The following ANO10 variants were observed in gnomAD, a reference collection of about 807,000 sequenced individuals.
ANO10 encodes anoctamin 10.
ANO10 carries 77 observed loss-of-function variants against 74.7 expected under a neutral mutation model. The observed-to-expected ratio is 1.03, with a 90% CI of 0.86 to 1.25. The LOEUF (loss-of-function observed/expected upper bound fraction) is 1.25, where lower values mean the gene tolerates loss of function less well. Among genes scored for constraint, ANO10 ranks in the 50% most tolerant of loss-of-function variants. The pLI, the probability that ANO10 is intolerant of heterozygous loss-of-function variation, is 0.00. For synonymous variants in ANO10, 279 were observed against 284.9 expected, an observed-to-expected ratio of 0.98 and a Z score of 0.21; for missense variants, 721 against 778.1, an observed-to-expected ratio of 0.93 and a Z score of 0.87.
chr3:43,683,667 T>C (rs1035279592), intron 1 of ANO10, among the ~76,000 whole-genome samples: 44 of 152,224 alleles, frequency 2.9e-4, no homozygotes, highest in Middle Eastern at 3.2e-3. Context: ...TCATGCTACC[T>C]GACCTCAAAC....
chr3:43,674,586 GA>G (rs1002209278), intron 1 of ANO10, among the ~76,000 whole-genome samples: 7 of 152,178 alleles, frequency 4.6e-5, no homozygotes, highest in Admixed American at 3.9e-4. Context: ...AAATAGAAAT[GA>G]AAACAAATGT....
intron 12 of ANO10, among the ~76,000 whole-genome samples, chr3:43,380,290 C>T (rs530526265): frequency 4.9e-4 from 74 of 152,276 alleles, no homozygotes; most frequent in African/African-American, 1.8e-3. Flanking sequence ...ACTTCTCCAG[C>T]ATTGCTAGAA....
At chr3:43,662,946 T>G (rs1173657779) in intron 1 of ANO10, among the ~76,000 whole-genome samples, 1 of 152,180 alleles carries the variant, frequency 6.6e-6, no homozygotes, top group African/African-American at 2.4e-5. Flanking sequence ...GATTCACAGC[T>G]GAATTCTACC....
At chr3:43,430,560 A>G (rs2092965673) in intron 12 of ANO10, among the ~76,000 whole-genome samples, 2 of 152,158 alleles carry the variant, frequency 1.3e-5, no homozygotes, top group South Asian at 2.1e-4. Flanking sequence ...TTCCATTGAC[A>G]TAAAATATCA....
chr3:43,542,904 C>T (rs1057274971), intron 11 of ANO10, among the ~76,000 whole-genome samples: 2 of 152,168 alleles, frequency 1.3e-5, no homozygotes, highest in African/African-American at 4.8e-5. Flanking sequence ...AGAGTGGTAA[C>T]AAGACCTGCA....
intron 9 of ANO10, among the ~76,000 whole-genome samples, chr3:43,557,154 G>GA (rs923636081): frequency 5.9e-4 from 85 of 144,052 alleles, no homozygotes; most frequent in Non-Finnish European, 7.2e-4. Flanking sequence ...TAAAATGAAG[G>GA]AAAAAAAAAA....
intron 11 of ANO10, among the ~76,000 whole-genome samples, chr3:43,507,892 T>C (rs997214838): frequency 2.6e-5 from 4 of 152,102 alleles, no homozygotes; most frequent in African/African-American, 9.7e-5. Flanking sequence ...TGCCAACAAA[T>C]ACTTGCAAAA....
chr3:43,613,425 T>G (rs890868689), intron 1 of ANO10, among the ~76,000 whole-genome samples: 1 of 152,064 alleles, frequency 6.6e-6, no homozygotes, highest in Non-Finnish European at 1.5e-5. Context: ...AAAGACAGCA[T>G]GGGAAAAGAA....
chr3:43,568,892 C>G (rs2080529654), intron 7 of ANO10, among the ~76,000 whole-genome samples: 1 of 150,218 alleles, frequency 6.7e-6, no homozygotes, highest in Non-Finnish European at 1.5e-5. Context: ...TGAATGAATC[C>G]AGGAGCTGGT....
intron 10 of ANO10, among the ~76,000 whole-genome samples, chr3:43,554,547 A>G (rs2079643313): frequency 6.6e-6 from 1 of 152,152 alleles, no homozygotes; most frequent in African/African-American, 2.4e-5. Context: ...ATAAGATTCT[A>G]TATCTCATTT....
At chr3:43,578,314 C>T (rs368716918) in intron 5 of ANO10, among the ~76,000 whole-genome samples, 2 of 152,070 alleles carry the variant, frequency 1.3e-5, no homozygotes, top group African/African-American at 2.4e-5. Flanking sequence ...GATGACCTTC[C>T]CCTTTCAATC....
chr3:43,691,064 C>G, intron 1 of ANO10: 1 of 1,530,404 alleles, frequency 6.5e-7, no homozygotes, highest in Non-Finnish European at 8.8e-7. Context: ...CAGGGGGCTT[C>G]GTGTGTCTCC....
chr3:43,546,579 A>G (rs1326681861), intron 11 of ANO10, among the ~76,000 whole-genome samples: 1 of 152,192 alleles, frequency 6.6e-6, no homozygotes, highest in Non-Finnish European at 1.5e-5. Context: ...CCACATGCAA[A>G]AGAAATACAA....
intron 1 of ANO10, among the ~76,000 whole-genome samples, chr3:43,649,684 A>G (rs566388602): frequency 3.5e-4 from 53 of 152,342 alleles, no homozygotes; most frequent in Non-Finnish European, 6.2e-4. Context: ...CCCTCAAATC[A>G]TATAGCTAAT....
intron 12 of ANO10, among the ~76,000 whole-genome samples, chr3:43,396,318 T>C (rs565086188): frequency 6.6e-6 from 1 of 152,254 alleles, no homozygotes; most frequent in South Asian, 2.1e-4. Flanking sequence ...ACAATTATTT[T>C]TTCTTTCTTC....
intron 1 of ANO10, among the ~76,000 whole-genome samples, chr3:43,633,827 A>C (rs1459902738): frequency 6.6e-6 from 1 of 151,926 alleles, no homozygotes; most frequent in East Asian, 1.9e-4. Context: ...CTTACTCCTC[A>C]AGTCCCATGG....
chr3:43,425,955 C>T (rs2092894053), intron 12 of ANO10, among the ~76,000 whole-genome samples: 1 of 152,088 alleles, frequency 6.6e-6, no homozygotes, highest in Admixed American at 6.6e-5. Context: ...CTGAAGGGTG[C>T]TACCATCTAC....
rs983842179 is a variant in ANO10 at position 43,590,034 on chromosome 3, G to A, written c.472+8498C>T. On this transcript the variant is annotated intron_variant, in intron 4 of 12. Coordinates refer to ENST00000292246, the MANE Select transcript of ANO10 (RefSeq NM_018075.5). The stretch of plus-strand genomic sequence containing the variant: ...GACAGGAAAGAGACAACTTATCATT[G>A]TCTAAATTTTTGTACTATTTGAATT... 5.3e-5 allele frequency among the ~76,000 whole-genome samples: 8 copies of A among 152,110 alleles called. No individual in the cohort carries two copies. The East Asian group carries it at 1.5e-3, about 29-fold the overall frequency.
At chr3:43,600,817 A>T (rs2082308929) in intron 2 of ANO10, among the ~76,000 whole-genome samples, 1 of 152,162 alleles carries the variant, frequency 6.6e-6, no homozygotes, top group African/African-American at 2.4e-5. Context: ...CACTTATTCA[A>T]ATGAGAAGTA....
Sources: allele counts gnomAD v4.1 joint callset (sites outside exome capture counted in the v4.1 genomes callset), GRCh38; gene constraint gnomAD v4.1.1; transcripts MANE v1.5; gene names NCBI Gene and HGNC (gene_info 2026-07-23, HGNC 2026-07-21).